DPY19L2: variants seen among roughly 807,000 people sequenced by gnomAD.
The protein encoded by DPY19L2 is probable C-mannosyltransferase DPY19L2.
A neutral mutation model predicts 97.9 loss-of-function variants in DPY19L2; 34 were observed. The observed-to-expected ratio is 0.35, with a 90% CI of 0.26 to 0.46. The LOEUF (loss-of-function observed/expected upper bound fraction) is 0.46, where lower values mean the gene tolerates loss of function less well. DPY19L2 is among the 20% of genes least tolerant of loss of function. The probability of loss-of-function intolerance (pLI) is 1.00; values close to 1 mark genes in which losing one functional copy is unlikely to be tolerated. For missense variants in DPY19L2, 623 were observed against 911.4 expected (o/e 0.68, Z 4.07); for synonymous variants, 230 against 307.9 (o/e 0.75, Z 2.65).
chr12:63,576,671 T>TAG (rs1879897357), intron 19 of DPY19L2, among the ~76,000 whole-genome samples: 2 of 151,968 alleles, frequency 1.3e-5, no homozygotes, highest in Non-Finnish European at 2.9e-5. Context: ...AAAGAAAATT[T>TAG]AAAAAGTAAT....
At chr12:63,620,316 T>C (rs1178798348) in intron 9 of DPY19L2, 8 of 197,822 alleles carry the variant, frequency 4.0e-5, no homozygotes, top group Non-Finnish European at 8.3e-5. Context: ...AATTCTGCTA[T>C]ACAGACAAAA....
At chr12:63,623,078 A>G (rs1218793434) in intron 8 of DPY19L2, among the ~76,000 whole-genome samples, 2 of 152,040 alleles carry the variant, frequency 1.3e-5, no homozygotes, top group Non-Finnish European at 2.9e-5. Flanking sequence ...TGGAGGAGAT[A>G]GTGATCATTA....
intron 4 of DPY19L2, among the ~76,000 whole-genome samples, chr12:63,648,108 A>G (rs1592721596): frequency 6.6e-6 from 1 of 152,122 alleles, no homozygotes; most frequent in Non-Finnish European, 1.5e-5. Context: ...GTGTGAGGAC[A>G]CAGTGTTCCT....
intron 16 of DPY19L2, among the ~76,000 whole-genome samples, chr12:63,589,816 C>T (rs1404848996): frequency 6.6e-6 from 1 of 152,000 alleles, no homozygotes; most frequent in Non-Finnish European, 1.5e-5. Flanking sequence ...CAAAATGTTA[C>T]GTCTATGGAA....
rs769895202 is a variant in DPY19L2 at position 63,597,850 on chromosome 12, T to C, written c.1420A>G (p.Ile474Val). ...TCAAATTCGGGAGCACAGGTATATA[T>C]TAAAGTATCAAAATCTGTATACCTT... ...ILRYTDFDTL[I>V]YTCAPEFDFM... The change falls in exon 14 of 22, where the codon ATA (isoleucine) becomes GTA (valine). Residue 474 changes from isoleucine (I) to valine (V), a missense_variant. Ile to Val is a conservative substitution (Grantham distance 29). This residue lies in a region of DPY19L2 where 294 missense variants were observed against 446.2 expected (regional missense o/e 0.66). Transcript: ENST00000324472. 4.4e-6 allele frequency: 7 copies of C among 1,608,564 alleles called. No individual in the cohort carries two copies. Among genetic ancestry groups the C allele is most frequent in the Non-Finnish European group, 4.2e-6 (5 of 1,178,272 alleles).
chr12:63,637,127 A>G (rs1235130007), intron 6 of DPY19L2, among the ~76,000 whole-genome samples: 1 of 152,170 alleles, frequency 6.6e-6, no homozygotes, highest in Non-Finnish European at 1.5e-5. Context: ...CAGGATTAAG[A>G]AACTCACTCA....
intron 19 of DPY19L2, among the ~76,000 whole-genome samples, chr12:63,575,825 C>T (rs1286644213): frequency 6.6e-6 from 1 of 151,832 alleles, no homozygotes; most frequent in East Asian, 1.9e-4. Context: ...AAGAAAAGCC[C>T]AGGACCTGAT....
chr12:63,647,671 G>A (rs1475888751), intron 4 of DPY19L2, among the ~76,000 whole-genome samples: 3 of 152,044 alleles, frequency 2.0e-5, no homozygotes, highest in African/African-American at 7.2e-5. Context: ...AAATGCAAAG[G>A]GCCAAATACA....
rs534124700 is a variant in DPY19L2 at position 63,616,664 on chromosome 12, T to C, written c.1218+640A>G. Among the ~76,000 whole-genome samples, 9 of 152,290 alleles carry C rather than the reference T, an allele frequency of 5.9e-5. No individual in the cohort carries two copies. In the East Asian group the frequency reaches 1.2e-3, roughly 20 times the overall value. ...ATATCCAAAAGAGTGTCATTCCATG[T>C]AGTTCCCGTGAGGAGACTGCACACT... On this transcript the variant is annotated intron_variant, in intron 11 of 21. Transcript: ENST00000324472.
Position 63,597,360 on chromosome 12 carries a change from A to G in DPY19L2, c.1461+449T>C, listed in dbSNP as rs561601948. 7.5e-4 allele frequency among the ~76,000 whole-genome samples: 114 copies of G among 152,242 alleles called. 1 individual carries two copies. Among genetic ancestry groups the G allele is most frequent in the African/African-American group, 2.6e-3 (109 of 41,542 alleles). On this transcript the variant is annotated intron_variant, in intron 14 of 21. Transcript: ENST00000324472. ...ATTTAAAATGAATTTTTATATGTTC[A>G]TTAAAACTCATCAGTAGCATACCTT...
At chr12:63,653,309 C>T (rs953938106) in intron 4 of DPY19L2, among the ~76,000 whole-genome samples, 1 of 151,836 alleles carries the variant, frequency 6.6e-6, no homozygotes, top group African/African-American at 2.4e-5. Context: ...GCCTGTAATC[C>T]CAGCAGTTTG....
chr12:63,661,363 C>T lies in DPY19L2; in HGVS notation c.569G>A (p.Arg190His), dbSNP rs747430016. ...ACTCACCTCTGGATAAAGATGGAAG[C>T]GTTTTATTGCATTAATTATAAGAGG... ...EYPLIINAIK[R>H]FHLYPEVIIA... The change falls in exon 4 of 22, where the codon CGC becomes CAC. Residue 190 changes from arginine to histidine, a missense_variant. By Grantham distance (29) the Arg-to-His change is conservative. This residue lies in a region of DPY19L2 where 84 missense variants were observed against 125.4 expected (regional missense o/e 0.67). Transcript: ENST00000324472. 30 of 1,581,898 alleles carry T rather than the reference C, an allele frequency of 1.9e-5. No homozygotes were observed. The highest frequency in any genetic ancestry group is 6.0e-5 in the Admixed American group (3 of 50,268).
intron 21 of DPY19L2, among the ~76,000 whole-genome samples, chr12:63,563,577 T>C (rs1826875928): frequency 6.6e-6 from 1 of 152,220 alleles, no homozygotes; most frequent in Admixed American, 6.5e-5. Flanking sequence ...GGTTTTCAAA[T>C]AGTGAGACAA....
chr12:63,658,803 T>A (rs10878071), intron 4 of DPY19L2, among the ~76,000 whole-genome samples: 68,137 of 151,930 alleles, frequency 0.45, 16,010 homozygotes, highest in East Asian at 0.72. Context: ...TAGGCACAGA[T>A]CAACTCTGTT....
chr12:63,592,471 C>T (rs1883280182), intron 16 of DPY19L2, among the ~76,000 whole-genome samples: 1 of 148,266 alleles, frequency 6.7e-6, no homozygotes, highest in African/African-American at 2.5e-5. Context: ...ACAGAGCCCT[C>T]AGAAATAACG....
intron 16 of DPY19L2, among the ~76,000 whole-genome samples, chr12:63,585,242 G>C (rs1253606636): frequency 6.6e-6 from 1 of 152,090 alleles, no homozygotes; most frequent in East Asian, 1.9e-4. Flanking sequence ...TTACTTTTAT[G>C]AAAGGCTTTA....
intron 12 of DPY19L2, 52 bp downstream of exon 12, chr12:63,608,564 A>T: frequency 6.7e-7 from 1 of 1,489,922 alleles, no homozygotes; most frequent in African/African-American, 1.4e-5. Flanking sequence ...TTCAGTTTAT[A>T]GAAATAAAAA....
At chr12:63,609,355 G>T (rs1364056225) in intron 11 of DPY19L2, among the ~76,000 whole-genome samples, 3 of 152,026 alleles carry the variant, frequency 2.0e-5, no homozygotes, top group Non-Finnish European at 4.4e-5. Flanking sequence ...CTGAGTATTT[G>T]TGTCCACCTC....
At chr12:63,624,757 T>C (rs1363864482) in intron 7 of DPY19L2, among the ~76,000 whole-genome samples, 1 of 152,150 alleles carries the variant, frequency 6.6e-6, no homozygotes, top group Non-Finnish European at 1.5e-5. Flanking sequence ...TTCTAAGACA[T>C]ATGGGTCAGA....
Sources: allele counts gnomAD v4.1 joint callset (sites outside exome capture counted in the v4.1 genomes callset), GRCh38; gene constraint gnomAD v4.1.1; regional missense constraint gnomAD v4.1.1; transcripts MANE v1.5; gene names NCBI Gene and HGNC (gene_info 2026-07-23, HGNC 2026-07-21).